The following DOK5 variants were observed in gnomAD, a reference collection of about 807,000 sequenced individuals.
The protein encoded by DOK5 is downstream of tyrosine kinase 5.
DOK5 carries 27 observed loss-of-function variants against 43.3 expected under a neutral mutation model. That is an observed-to-expected ratio of 0.62 (90% confidence interval 0.46 to 0.86). The LOEUF (loss-of-function observed/expected upper bound fraction) is 0.86. DOK5 is among the 40% of genes least tolerant of loss of function. DOK5 has a pLI of 0.00. For missense variants in DOK5, 373 were observed against 392.9 expected (o/e 0.95, Z 0.43); for synonymous variants, 146 against 140.1 (o/e 1.04, Z -0.30).
At chr20:54,583,086 G>A (rs1985690916) in intron 2 of DOK5, among the ~76,000 whole-genome samples, 2 of 151,880 alleles carry the variant, frequency 1.3e-5, no homozygotes, top group Non-Finnish European at 2.9e-5. Context: ...ATTCAGCTCA[G>A]GGTATTTTCC....
intron 1 of DOK5, among the ~76,000 whole-genome samples, chr20:54,503,874 A>G (rs6023311): frequency 0.21 from 31,435 of 152,168 alleles, 4,291 homozygotes; most frequent in African/African-American, 0.39. Context: ...AAGATGGGCT[A>G]GAAGCATCTG....
At position 54,650,491 on chromosome 20, in the gene DOK5, A is replaced by G. The variant is rs2146839651; in HGVS notation, c.*12A>G. ...GATCTGAGCACTGACAGTAACTGCC[A>G]AGAATTGTTAACACACTTGTGATGT... On this transcript the variant is annotated 3_prime_UTR_variant, in exon 8 of 8. Transcript: ENST00000262593. 3 of 1,613,496 alleles carry G rather than the reference A, an allele frequency of 1.9e-6. No individual in the cohort carries two copies. Among genetic ancestry groups the G allele is most frequent in the Non-Finnish European group, 2.5e-6 (3 of 1,179,632 alleles).
intron 1 of DOK5, among the ~76,000 whole-genome samples, chr20:54,507,491 T>C (rs1982851672): frequency 6.6e-6 from 1 of 152,258 alleles, no homozygotes; most frequent in Non-Finnish European, 1.5e-5. Flanking sequence ...TTATCTTTTC[T>C]ACTAAGGCAT....
chr20:54,502,178 A>G (rs1982634551), intron 1 of DOK5, among the ~76,000 whole-genome samples: 1 of 152,226 alleles, frequency 6.6e-6, no homozygotes, highest in African/African-American at 2.4e-5. Flanking sequence ...TTTAATAACC[A>G]TTATACCAGT....
chr20:54,586,947 G>A (rs893669964), intron 2 of DOK5, among the ~76,000 whole-genome samples: 14 of 151,950 alleles, frequency 9.2e-5, no homozygotes, highest in Non-Finnish European at 1.8e-4. Context: ...TTTGTCCCAC[G>A]TGCAATGGGA....
rs369839368 is a variant in DOK5 at position 54,507,563 on chromosome 20, G to T, written c.66+31551G>T. ...TTTTCAGCCTAGCCACATTTCAAGT[G>T]CTTGAAAGCTACATGTTGCTGATGG... On this transcript the variant is annotated intron_variant, in intron 1 of 7. Transcript: ENST00000262593. Among the ~76,000 whole-genome samples, 11 of 152,296 alleles carry T rather than the reference G, an allele frequency of 7.2e-5. No homozygotes were observed. In the East Asian group the frequency reaches 1.9e-3, roughly 27 times the overall value.
intron 5 of DOK5, among the ~76,000 whole-genome samples, chr20:54,596,604 C>T (rs1986150019): frequency 6.6e-6 from 1 of 152,190 alleles, no homozygotes; most frequent in South Asian, 2.1e-4. Context: ...TCACTTAACT[C>T]ACCGAGCTTT....
chr20:54,600,423 C>G (rs754052282), intron 5 of DOK5, among the ~76,000 whole-genome samples: 29 of 152,082 alleles, frequency 1.9e-4, no homozygotes, highest in Non-Finnish European at 1.0e-4. Flanking sequence ...TAGTAAGTCA[C>G]TAAAATGACT....
intron 6 of DOK5, among the ~76,000 whole-genome samples, chr20:54,617,084 C>T (rs1986838557): frequency 6.6e-6 from 1 of 152,028 alleles, no homozygotes; most frequent in Non-Finnish European, 1.5e-5. Flanking sequence ...GCCACTGCGC[C>T]CAGCCAAGGA....
intron 4 of DOK5, among the ~76,000 whole-genome samples, chr20:54,591,396 A>T (rs1278591570): frequency 6.6e-6 from 1 of 152,262 alleles, no homozygotes; most frequent in Non-Finnish European, 1.5e-5. Context: ...TGCTTAGTGT[A>T]TGTTGACAGG....
At chr20:54,503,234 A>G (rs1218145262) in intron 1 of DOK5, among the ~76,000 whole-genome samples, 2 of 152,216 alleles carry the variant, frequency 1.3e-5, no homozygotes, top group South Asian at 2.1e-4. Context: ...TTTTTCAAAA[A>G]ATTAATATTA....
intron 1 of DOK5, among the ~76,000 whole-genome samples, chr20:54,477,734 A>G (rs1043565124): frequency 6.6e-6 from 1 of 152,166 alleles, no homozygotes; most frequent in Non-Finnish European, 1.5e-5. Flanking sequence ...ATTCTGTGTT[A>G]GGGAGCATTC....
chr20:54,481,075 CTATCTATCATCTACCATCT>C lies in DOK5; in HGVS notation c.66+5064_66+5082del, dbSNP rs1568746421. On this transcript the variant is annotated intron_variant, in intron 1 of 7. Coordinates refer to ENST00000262593, the MANE Select transcript of DOK5 (RefSeq NM_018431.5). ...TGTCTATCATCTATCTATCATCTAT[CTATCTATCATCTACCATCT>C]ATCTATCTATCATCTATCTATCTAT... Among the ~76,000 whole-genome samples the C allele has an allele frequency of 3.5e-3, 444 of 126,036 alleles. 13 individuals carry two copies. Among genetic ancestry groups the C allele is most frequent in the African/African-American group, 0.013 (370 of 27,470 alleles). The allele number at this position is 126,036 out of a possible 152,430, so 82.7% of individuals were successfully genotyped here.
chr20:54,502,399 T>C (rs1982643507), intron 1 of DOK5, among the ~76,000 whole-genome samples: 1 of 152,232 alleles, frequency 6.6e-6, no homozygotes, highest in Non-Finnish European at 1.5e-5. Flanking sequence ...TATGCACTCA[T>C]TTAATGAGTC....
At chr20:54,580,511 T>C (rs2146757907) in intron 2 of DOK5, among the ~76,000 whole-genome samples, 1 of 152,208 alleles carries the variant, frequency 6.6e-6, no homozygotes, top group South Asian at 2.1e-4. Context: ...CTAACACTTG[T>C]TATCTTTTAG....
intron 7 of DOK5, among the ~76,000 whole-genome samples, chr20:54,648,513 A>C (rs941342762): frequency 1.3e-5 from 2 of 152,176 alleles, no homozygotes. Flanking sequence ...TTAAGTCTAA[A>C]AGAGGCAGCC....
intron 2 of DOK5, among the ~76,000 whole-genome samples, chr20:54,562,332 C>G (rs2146737100): frequency 6.6e-6 from 1 of 152,254 alleles, no homozygotes; most frequent in Non-Finnish European, 1.5e-5. Flanking sequence ...ATGCCAAATT[C>G]TCTGTCATCT....
At position 54,574,200 on chromosome 20, in the gene DOK5, G is replaced by T. The variant is rs893453550; in HGVS notation, c.175-14283G>T. Among the ~76,000 whole-genome samples, 3 of 152,186 alleles carry T rather than the reference G, an allele frequency of 2.0e-5. No homozygotes were observed. The East Asian group carries it at 5.8e-4, about 29-fold the overall frequency. ...CAGCTAATGATGGAATGCAAATGCC[G>T]CCAAAAGGCCTGAGAAGCAGAGCAT... On this transcript the variant is annotated intron_variant, in intron 2 of 7. Transcript: ENST00000262593.
chr20:54,555,140 G>A (rs1984666859), intron 2 of DOK5, 100 bp downstream of exon 2: 2 of 760,678 alleles, frequency 2.6e-6, no homozygotes, highest in South Asian at 1.6e-5. Flanking sequence ...AAAGGTACAA[G>A]CAATATCTTT....
Sources: gnomAD v4.1 joint callset for allele counts (sites outside exome capture counted in the v4.1 genomes callset) on GRCh38, gnomAD v4.1.1 for gene constraint, MANE v1.5 for transcripts, NCBI Gene and HGNC (gene_info 2026-07-23, HGNC 2026-07-21) for gene names.